RRBP1: variants seen among roughly 807,000 people sequenced by gnomAD.
RRBP1 encodes ribosome binding protein 1.
A neutral mutation model predicts 165.2 loss-of-function variants in RRBP1; 94 were observed. That is an observed-to-expected ratio of 0.57 (90% CI 0.48 to 0.68). The LOEUF is 0.68. RRBP1 is among the 30% of genes least tolerant of loss of function. RRBP1 has a pLI of 0.00. For synonymous variants in RRBP1, 680 were observed against 714.5 expected (o/e 0.95, Z 0.77); for missense variants, 1,676 against 1,763.0 (o/e 0.95, Z 0.88).
Position 17,615,832 on chromosome 20 carries a change from C to A in RRBP1, c.3951+94G>T, listed in dbSNP as rs146749279. 2.6e-6 allele frequency: 3 copies of A among 1,132,800 alleles called. No individual in the cohort carries two copies. In the East Asian group the frequency reaches 7.3e-5, roughly 28 times the overall value. 70.2% of individuals were successfully genotyped at this position (1,132,800 alleles called of 1,614,324 possible). On this transcript the variant is annotated intron_variant, in intron 22 of 24. Transcript: ENST00000377813. ...CAGGCCCAGCCCAGGTGCTGCTGGG[C>A]ACAGCCGAGCGGGGCAGGGCTGACC...
rs2035734018 is a variant in RRBP1, at chr20:17,613,716, CAGG to C, written c.*463_*465del. 1 of 155,608 alleles carries C rather than the reference CAGG, an allele frequency of 6.4e-6. No individual in the cohort carries two copies. Among genetic ancestry groups the C allele is most frequent in the African/African-American group, 2.4e-5 (1 of 41,578 alleles). 9.6% of individuals were successfully genotyped at this position (155,608 alleles called of 1,614,324 possible). On this transcript the variant is annotated 3_prime_UTR_variant, in exon 25 of 25. Transcript: ENST00000377813. ...CGTTGGTTTTAATGGCATCAACACCCAGGAGGTCACACGTCAGTTCTGGTTGGC... is the reference window on the plus strand; with the variant it reads ...CGTTGGTTTTAATGGCATCAACACCCAGGTCACACGTCAGTTCTGGTTGGC...
intron 13 of RRBP1, 90 bp downstream of exon 13, chr20:17,624,486 T>C: frequency 1.2e-6 from 1 of 844,250 alleles, no homozygotes; most frequent in African/African-American, 1.7e-5. Context: ...CTAGAGCATC[T>C]GGTGTCCTAG....
rs542547847 is a variant in RRBP1 at position 17,666,972 on chromosome 20, T to C, written c.-21-6444A>G. On this transcript the variant is annotated intron_variant, in intron 2 of 24. Transcript: ENST00000377813. The stretch of plus-strand genomic sequence containing the variant: ...AAGTTTCTATGGTATAAATGTTTCT[T>C]GATGGAGATTCTTTTCTAACACATC... Among the ~76,000 whole-genome samples the C allele has an allele frequency of 2.4e-4, 36 of 152,374 alleles. No individual in the cohort carries two copies. The South Asian group carries it at 7.0e-3, about 30-fold the overall frequency.
intron 21 of RRBP1, 129 bp from the exon 22 acceptor site, chr20:17,616,138 T>G (rs368119358): frequency 1.3e-6 from 1 of 751,756 alleles, no homozygotes; most frequent in South Asian, 1.9e-5. Context: ...GCTCCCCTCG[T>G]TGGGGAGAGG....
chr20:17,682,062 GC>G lies in RRBP1; in HGVS notation c.-134del, dbSNP rs911049246. 4 of 153,316 alleles carry G rather than the reference GC, an allele frequency of 2.6e-5. No individual in the cohort carries two copies. Among genetic ancestry groups the G allele is most frequent in the Admixed American group, 1.3e-4 (2 of 15,270 alleles). The allele number at this position is 153,316 out of a possible 1,614,324, so 9.5% of individuals were successfully genotyped here. A position where few individuals can be genotyped will look rare whatever the true frequency, so the allele number is the denominator to read the frequency against. On this transcript the variant is annotated 5_prime_UTR_variant, in exon 1 of 25. Transcript: ENST00000377813. ...GAGACGCGAGAGGGAAAGCGAGAGG[GC>G]AGGAGCCGCCGCCTTCGCAGCCGCC...
intron 3 of RRBP1, among the ~76,000 whole-genome samples, chr20:17,651,341 A>G (rs1484243668): frequency 2.0e-5 from 3 of 152,236 alleles, no homozygotes; most frequent in African/African-American, 2.4e-5. Flanking sequence ...CTGTCTTCCT[A>G]AATTAAAAAC....
In RRBP1 at chr20:17,621,819, A is replaced by C. The variant is rs761206681; in HGVS notation, c.3240+36T>G. The C allele has an allele frequency of 2.5e-6, 4 of 1,610,814 alleles. No homozygotes were observed. The Admixed American group carries it at 6.7e-5, about 27-fold the overall frequency. On this transcript the variant is annotated intron_variant, in intron 14 of 24. Transcript: ENST00000377813. ...TGAGACCCGGGGACATTCCCTGAGA[A>C]CTGTGAGGTCCCCGGGAACCACCCT... is the stretch of plus-strand genomic sequence containing the variant.
Position 17,641,883 on chromosome 20 carries a change from G to A in RRBP1, c.2098C>T (p.Arg700Cys), listed in dbSNP as rs41276396. The stretch of plus-strand genomic sequence containing the variant: ...AGTTTTTCCTTCTCTTCCAGCTGGC[G>A]TTTCAGAATCGCCACAGGGTCACCC... ...QKGDPVAILKRQLEEKEKLLA... is the reference protein window; with the variant it reads ...QKGDPVAILKCQLEEKEKLLA... Residue 700 changes from arginine to cysteine, a missense_variant, in exon 5 of 25, where the codon CGC becomes TGC. Physicochemically the swap from Arg to Cys is radical, Grantham distance 180. Transcript: ENST00000377813. The A allele has an allele frequency of 2.6e-5, 42 of 1,613,934 alleles. No individual in the cohort carries two copies. The highest frequency in any genetic ancestry group is 3.5e-5 in the Non-Finnish European group (41 of 1,179,978).
intron 5 of RRBP1, among the ~76,000 whole-genome samples, chr20:17,638,534 C>T (rs374554822): frequency 2.0e-5 from 3 of 152,204 alleles, no homozygotes; most frequent in African/African-American, 7.2e-5. Context: ...GATCTTCCCC[C>T]TCTTTTGCCT....
rs572078563 is a variant in RRBP1, at chr20:17,650,577, C to A, written c.1913-7450G>T. On this transcript the variant is annotated intron_variant, in intron 3 of 24. Transcript: ENST00000377813. Reference sequence around the variant, plus strand: ...ACAAGTACCCTGCATCCCCGCATCCCCTGAGTGACGTGCTAGCAGAGGTAA... The same window carrying A: ...ACAAGTACCCTGCATCCCCGCATCCACTGAGTGACGTGCTAGCAGAGGTAA... Among the ~76,000 whole-genome samples the A allele has an allele frequency of 6.6e-5, 10 of 152,366 alleles. No homozygotes were observed. In the South Asian group the frequency reaches 1.5e-3, roughly 22 times the overall value.
chr20:17,633,413 T>C (rs1568763999), intron 8 of RRBP1, 47 bp downstream of exon 8: 3 of 1,588,520 alleles, frequency 1.9e-6, no homozygotes, highest in Non-Finnish European at 2.6e-6. Context: ...CAGACAGGCT[T>C]GCTGGGCAGT....
rs2035742400 is a variant in RRBP1, at chr20:17,614,055, T to C, written c.*127A>G. The C allele has an allele frequency of 1.1e-6, 1 of 882,800 alleles. No homozygotes were observed. The highest frequency in any genetic ancestry group is 2.0e-5 in the Admixed American group (1 of 51,268). 54.7% of individuals were successfully genotyped at this position (882,800 alleles called of 1,614,324 possible). On this transcript the variant is annotated 3_prime_UTR_variant, in exon 25 of 25. Coordinates refer to ENST00000377813, the MANE Select transcript of RRBP1 (RefSeq NM_001365613.2). Reference sequence around the variant, plus strand: ...GTGGCTCTAAGAGACTTGTCTCTCATGGCTTCTCTCGGAGCTACCGGAAGT... The same window carrying C: ...GTGGCTCTAAGAGACTTGTCTCTCACGGCTTCTCTCGGAGCTACCGGAAGT...
rs1226384399 is a variant in RRBP1, at chr20:17,614,061, C to G, written c.*121G>C. The G allele has an allele frequency of 2.2e-6, 2 of 912,248 alleles. No homozygotes were observed. The highest frequency in any genetic ancestry group is 5.0e-5 in the East Asian group (2 of 40,272). The allele number at this position is 912,248 out of a possible 1,614,324, so 56.5% of individuals were successfully genotyped here. The stretch of plus-strand genomic sequence containing the variant: ...CTAAGAGACTTGTCTCTCATGGCTT[C>G]TCTCGGAGCTACCGGAAGTTGGGCC... On this transcript the variant is annotated 3_prime_UTR_variant, in exon 25 of 25. Coordinates refer to ENST00000377813, the MANE Select transcript of RRBP1 (RefSeq NM_001365613.2).
intron 9 of RRBP1, among the ~76,000 whole-genome samples, chr20:17,628,118 A>G (rs2036068793): frequency 6.6e-6 from 1 of 151,970 alleles, no homozygotes; most frequent in Non-Finnish European, 1.5e-5. Context: ...CACAGTCGAG[A>G]AAGGCCAGGG....
intron 2 of RRBP1, among the ~76,000 whole-genome samples, chr20:17,674,885 G>A (rs2037048009): frequency 6.6e-6 from 1 of 152,232 alleles, no homozygotes; most frequent in Admixed American, 6.5e-5. Flanking sequence ...CCTGGTGAGT[G>A]TGTCGTCACT....
intron 18 of RRBP1, among the ~76,000 whole-genome samples, chr20:17,619,975 A>G (rs2035877633): frequency 6.6e-6 from 1 of 152,158 alleles, no homozygotes; most frequent in Non-Finnish European, 1.5e-5. Context: ...GCAGGTACCA[A>G]GGGTACCTTC....
In RRBP1 at chr20:17,635,623, C is replaced by T. The variant is rs761612426; in HGVS notation, c.2379G>A (p.Thr793=). 43 of 1,613,282 alleles carry T rather than the reference C, an allele frequency of 2.7e-5. No homozygotes were observed. The highest frequency in any genetic ancestry group is 1.1e-5 in the South Asian group (1 of 91,028). Reference sequence around the variant, plus strand: ...TCTCCTGCTGCAGGCGGGCCAGCTGCGTGTTGGGGCCATTCTCCAGCTGCT... The same window carrying T: ...TCTCCTGCTGCAGGCGGGCCAGCTGTGTGTTGGGGCCATTCTCCAGCTGCT... ...LQEQLENGPN[T]QLARLQQENS... The change falls in exon 7 of 25, where the codon ACG becomes ACA. Residue 793 remains threonine, a synonymous_variant. Transcript: ENST00000377813.
In RRBP1 at chr20:17,614,897, T is replaced by C; in HGVS notation, c.4051-17A>G. On this transcript the variant is annotated splice_polypyrimidine_tract_variant and intron_variant, in intron 23 of 24. Coordinates refer to ENST00000377813, the MANE Select transcript of RRBP1 (RefSeq NM_001365613.2). ...TAGTCTCTCCTGATGGTCAGAAGGTTGACGGGCATCAGCCCTTGCACCGGC... is the reference window on the plus strand; with the variant it reads ...TAGTCTCTCCTGATGGTCAGAAGGTCGACGGGCATCAGCCCTTGCACCGGC... 6.2e-7 allele frequency: 1 copy of C among 1,604,322 alleles called. No individual in the cohort carries two copies.
Position 17,627,602 on chromosome 20 carries a change from G to A in RRBP1, c.2830C>T (p.Gln944Ter), listed in dbSNP as rs1035663659. ...TGGGAGTTCTCCGCCCTGGCCTCCTGGAGCTGCCCGTGGAGGCCACTCAGC... is the reference window on the plus strand; with the variant it reads ...TGGGAGTTCTCCGCCCTGGCCTCCTAGAGCTGCCCGTGGAGGCCACTCAGC... ...EELSGLHGQL[Q>*]EARAENSQLT... Residue 944 changes from glutamine (Q) to a stop codon, truncating the protein, a stop_gained, in exon 10 of 25, where the codon CAG (glutamine) becomes TAG (stop). Transcript: ENST00000377813. LOFTEE classifies it high-confidence loss of function. 2.5e-6 allele frequency: 4 copies of A among 1,613,390 alleles called. No individual in the cohort carries two copies. The highest frequency in any genetic ancestry group is 2.2e-5 in the East Asian group (1 of 44,890).
Sources: allele counts gnomAD v4.1 joint callset (sites outside exome capture counted in the v4.1 genomes callset), GRCh38; gene constraint gnomAD v4.1.1; transcripts MANE v1.5; gene names NCBI Gene and HGNC (gene_info 2026-07-23, HGNC 2026-07-21).